Variants in NIN observed in about 807,000 individuals in gnomAD.
NIN encodes the protein glycogen synthase kinase 3 beta-interacting protein.
Under a neutral mutation model 257.6 loss-of-function variants are expected in NIN, and 137 were observed. The observed-to-expected ratio is 0.53, with a 90% confidence interval of 0.46 to 0.61. The LOEUF (loss-of-function observed/expected upper bound fraction) is 0.61, where lower values mean the gene tolerates loss of function less well. Ranked by LOEUF, NIN falls within the 20% of genes least tolerant of loss-of-function variation. NIN has a pLI of 0.00. For missense variants in NIN, 2,439 were observed against 2,501.2 expected, an observed-to-expected ratio of 0.98 and a Z score of 0.53; for synonymous variants, 918 against 919.8, an observed-to-expected ratio of 1.00 and a Z score of 0.04.
chr14:50,725,946 G>C lies in NIN; in HGVS notation c.6192+7C>G, dbSNP rs1236466750. 6.2e-7 allele frequency: 1 copy of C among 1,613,950 alleles called. No homozygotes were observed. Among genetic ancestry groups the C allele is most frequent in the Non-Finnish European group, 8.5e-7 (1 of 1,179,872 alleles). On this transcript the variant is annotated splice_region_variant and intron_variant, in intron 30 of 30. Coordinates refer to ENST00000530997, the MANE Select transcript of NIN (RefSeq NM_020921.4). ...GTGGGTGAACAGAGATGACCGGGTA[G>C]GCTCACTTGTTCTTTGAGCTGATTC...
chr14:50,790,202 T>C (rs2043529901), intron 5 of NIN, among the ~76,000 whole-genome samples: 1 of 152,104 alleles, frequency 6.6e-6, no homozygotes, highest in South Asian at 2.1e-4. Context: ...CCAAAGGGCA[T>C]GCACCACCAT....
chr14:50,793,829 T>G (rs987566024), intron 4 of NIN, among the ~76,000 whole-genome samples: 1 of 152,052 alleles, frequency 6.6e-6, no homozygotes, highest in Admixed American at 6.5e-5. Context: ...ATTCAAATGT[T>G]ATCTCAGCTA....
intron 5 of NIN, among the ~76,000 whole-genome samples, chr14:50,782,733 T>C (rs1025006938): frequency 2.0e-4 from 31 of 152,240 alleles, no homozygotes; most frequent in African/African-American, 7.0e-4. Context: ...TTCCTGTGAC[T>C]TGGGGGTGGG....
intron 22 of NIN, among the ~76,000 whole-genome samples, chr14:50,745,889 T>C (rs1179748125): frequency 3.9e-5 from 6 of 152,144 alleles, no homozygotes; most frequent in Non-Finnish European, 8.8e-5. Flanking sequence ...GCCTTCTAGG[T>C]CCACGTTGTA....
chr14:50,733,936 A>G (rs2040844263), intron 28 of NIN, among the ~76,000 whole-genome samples: 1 of 152,212 alleles, frequency 6.6e-6, no homozygotes. Flanking sequence ...GACAAACTTC[A>G]CTGGTGATTT....
At chr14:50,731,057 A>G (rs189202503) in intron 28 of NIN, 37 of 629,952 alleles carry the variant, frequency 5.9e-5, no homozygotes, top group African/African-American at 5.9e-4. Context: ...TATGAGTAAT[A>G]AAAAGAGAAA....
At position 50,722,142 on chromosome 14, in the gene NIN, T is replaced by TAGA. The variant is rs10652617; in HGVS notation, c.*1320_*1321insTCT. 123,852 of 227,690 alleles carry TAGA rather than the reference T, an allele frequency of 0.54. 34,944 individuals are homozygous for TAGA. The highest frequency in any genetic ancestry group is 0.71 in the African/African-American group (31,712 of 44,896). 14.1% of individuals were successfully genotyped at this position (227,690 alleles called of 1,614,324 possible). A position where few individuals can be genotyped will look rare whatever the true frequency, so the allele number is the denominator to read the frequency against. ...TCCACCAACTGCTGGCGGAAGTGGCTAGCAGAGATTATAATTGGAAGAAAA... is the reference window on the plus strand; with the variant it reads ...TCCACCAACTGCTGGCGGAAGTGGCTAGAAGCAGAGATTATAATTGGAAGAAAA... On this transcript the variant is annotated 3_prime_UTR_variant, in exon 31 of 31. Transcript: ENST00000530997.
In NIN at chr14:50,727,256, T is replaced by C. The variant is rs1310846908; in HGVS notation, c.6079-1190A>G. On this transcript the variant is annotated intron_variant, in intron 29 of 30. Transcript: ENST00000530997. ...CATATACTTAAAATTTATTTTATTG[T>C]TTCATCAAAAATTTCCTGTCAAAAA... The C allele has an allele frequency of 7.2e-6, 7 of 966,110 alleles. No individual in the cohort carries two copies. The African/African-American group carries it at 1.2e-4, about 17-fold the overall frequency. The allele number at this position is 966,110 out of a possible 1,614,324, so 59.8% of individuals were successfully genotyped here. A position where few individuals can be genotyped will look rare whatever the true frequency, so the allele number is the denominator to read the frequency against.
chr14:50,730,740 T>C (rs2040651708), intron 28 of NIN: 1 of 166,048 alleles, frequency 6.0e-6, no homozygotes, highest in South Asian at 2.0e-4. Flanking sequence ...TCTTCATATA[T>C]AATGCTTTAA....
In NIN at chr14:50,776,971, C is replaced by T. The variant is rs1445266386; in HGVS notation, c.644G>A (p.Gly215Asp). ...TACCTCTCCATCCACATTCTGTAAA[C>T]CATACTGCTCACAGATGGAGACCAG... is the stretch of plus-strand genomic sequence containing the variant. ...KKLVSICEQY[G>D]LQNVDGEMLE... Residue 215 changes from glycine (G) to aspartate (D), a missense_variant, in exon 7 of 31, where the codon GGT (glycine) becomes GAT (aspartate). Around this residue, in one of 3 missense-constraint regions of NIN, gnomAD observed 387 missense variants for 427.3 expected, o/e 0.91. Coordinates refer to ENST00000530997, the MANE Select transcript of NIN (RefSeq NM_020921.4). 6.2e-7 allele frequency: 1 copy of T among 1,613,534 alleles called. No individual in the cohort carries two copies. The highest frequency in any genetic ancestry group is 2.2e-5 in the East Asian group (1 of 44,882).
chr14:50,802,125 C>T (rs1437803362), intron 4 of NIN, among the ~76,000 whole-genome samples: 1 of 152,166 alleles, frequency 6.6e-6, no homozygotes, highest in Non-Finnish European at 1.5e-5. Flanking sequence ...TGCCCCTCTC[C>T]TATTCCAGAA....
intron 3 of NIN, among the ~76,000 whole-genome samples, chr14:50,813,220 T>G (rs2044720708): frequency 6.6e-6 from 1 of 152,270 alleles, no homozygotes; most frequent in Non-Finnish European, 1.5e-5. Flanking sequence ...GGAGCTTTAC[T>G]ATTGTATTTT....
At chr14:50,792,687 T>G (rs2043651278) in intron 5 of NIN, 25 bp downstream of exon 5, 1 of 1,613,648 alleles carries the variant, frequency 6.2e-7, no homozygotes, top group Admixed American at 1.7e-5. Flanking sequence ...ATGATCCAGA[T>G]GAACGTGCAT....
At position 50,739,371 on chromosome 14, in the gene NIN, C is replaced by T. The variant is rs1391134782; in HGVS notation, c.5565G>A (p.Glu1855=). 1.2e-6 allele frequency: 2 copies of T among 1,614,238 alleles called. No individual in the cohort carries two copies. The highest frequency in any genetic ancestry group is 1.1e-5 in the South Asian group (1 of 91,084). ...MNEEQQLLWQ[E]NERLQTMVQN... is the part of the protein sequence containing the mutation. ...GTACCATGGTCTGGAGCCTCTCATT[C>T]TCTTGCCAAAGCAGCTGCTGTTCCT... is the stretch of plus-strand genomic sequence containing the variant. The change falls in exon 26 of 31, where the codon GAG becomes GAA. Residue 1855 remains glutamate (E), a synonymous_variant. Transcript: ENST00000530997.
intron 4 of NIN, chr14:50,806,014 C>A (rs918477708): frequency 2.0e-5 from 3 of 152,140 alleles, no homozygotes; most frequent in Admixed American, 6.5e-5. Flanking sequence ...ACACCTCCCC[C>A]CTACACACAC....
At chr14:50,803,571 A>T (rs2044189737) in intron 4 of NIN, among the ~76,000 whole-genome samples, 1 of 152,136 alleles carries the variant, frequency 6.6e-6, no homozygotes, top group Admixed American at 6.6e-5. Context: ...GAAAGCTAAA[A>T]TCCTCAACCT....
Position 50,791,346 on chromosome 14 carries a change from GAGA to G in NIN, c.435+1363_435+1365del, listed in dbSNP as rs367828068. On this transcript the variant is annotated intron_variant, in intron 5 of 30. Coordinates refer to ENST00000530997, the MANE Select transcript of NIN (RefSeq NM_020921.4). ...CAATTCGCAAAGAGACCCAAGAAAG[GAGA>G]AGGACTCCTGAAACTGTTCTCAGCT... Among the ~76,000 whole-genome samples, 27 of 152,252 alleles carry G rather than the reference GAGA, an allele frequency of 1.8e-4. No homozygotes were observed. In the East Asian group the frequency reaches 2.7e-3, roughly 15 times the overall value.
At chr14:50,776,769 T>G (rs2042940195) in intron 7 of NIN, among the ~76,000 whole-genome samples, 180 bp downstream of exon 7, 1 of 152,176 alleles carries the variant, frequency 6.6e-6, no homozygotes. Context: ...TCTTGTCAGT[T>G]TTTCTTTTTC....
Position 50,760,067 on chromosome 14 carries a change from C to G in NIN, c.2189G>C (p.Arg730Thr). 1 of 1,614,180 alleles carries G rather than the reference C, an allele frequency of 6.2e-7. No homozygotes were observed. The highest frequency in any genetic ancestry group is 8.5e-7 in the Non-Finnish European group (1 of 1,180,034). ...AAAGCTTGCTTGAGCCTGTGTCAGT[C>G]TAGCCTTGAGCTCCATCTCATGTTG... ...RLQHEMELKA[R>T]LTQAQASFER... Residue 730 changes from arginine (R) to threonine (T), a missense_variant, in exon 17 of 31, where the codon AGA becomes ACA. Physicochemically the swap from Arg to Thr is moderately conservative, Grantham distance 71. This residue lies in a region of NIN where 2,043 missense variants were observed against 2,050.2 expected (regional missense o/e 1.00). Coordinates refer to ENST00000530997, the MANE Select transcript of NIN (RefSeq NM_020921.4).
Sources: allele counts gnomAD v4.1 joint callset (sites outside exome capture counted in the v4.1 genomes callset), GRCh38; gene constraint gnomAD v4.1.1; regional missense constraint gnomAD v4.1.1; transcripts MANE v1.5; gene names NCBI Gene and HGNC (gene_info 2026-07-23, HGNC 2026-07-21).